EBF1: variants seen among roughly 807,000 people sequenced by gnomAD.
The protein encoded by EBF1 is transcription factor COE1.
In EBF1, 10 loss-of-function variants were observed where a neutral mutation model predicts 68.4. That is an observed-to-expected ratio of 0.15 (90% CI 0.09 to 0.25). The LOEUF is 0.25. EBF1 is among the 10% of genes least tolerant of loss of function. The pLI, the probability that EBF1 is intolerant of heterozygous loss-of-function variation, is 1.00. For synonymous variants in EBF1, 298 were observed against 299.8 expected, an observed-to-expected ratio of 0.99 and a Z score of 0.06; for missense variants, 509 against 794.4, an observed-to-expected ratio of 0.64 and a Z score of 4.32.
At chr5:158,943,359 C>T (rs558866783) in intron 6 of EBF1, among the ~76,000 whole-genome samples, 1 of 147,446 alleles carries the variant, frequency 6.8e-6, no homozygotes, top group Non-Finnish European at 1.5e-5. Context: ...CACACACACA[C>T]ATTCCGGAGG....
intron 6 of EBF1, among the ~76,000 whole-genome samples, chr5:158,943,356 A>ACG (rs1374181107): frequency 7.0e-6 from 1 of 142,628 alleles, no homozygotes; most frequent in Non-Finnish European, 1.6e-5. Context: ...ACACACACAC[A>ACG]CACATTCCGG....
chr5:158,877,698 A>ATG (rs1002101258), intron 6 of EBF1, among the ~76,000 whole-genome samples: 7 of 111,476 alleles, frequency 6.3e-5, no homozygotes, highest in Admixed American at 8.7e-5. Flanking sequence ...AATACTACAA[A>ATG]CGCACACACA....
chr5:158,801,111 A>C (rs1486796583), intron 8 of EBF1, among the ~76,000 whole-genome samples: 1 of 152,026 alleles, frequency 6.6e-6, no homozygotes, highest in Non-Finnish European at 1.5e-5. Context: ...CCACGAAAGT[A>C]GAGGAGATTT....
intron 1 of EBF1, among the ~76,000 whole-genome samples, chr5:159,098,613 G>A (rs1428742291): frequency 1.3e-5 from 2 of 151,256 alleles, no homozygotes; most frequent in Non-Finnish European, 2.9e-5. Context: ...AGAGAGGAAG[G>A]GAGGAAGGAA....
chr5:159,053,603 T>TCACACACACACA (rs576102189), intron 6 of EBF1, among the ~76,000 whole-genome samples: 8 of 145,250 alleles, frequency 5.5e-5, no homozygotes, highest in African/African-American at 2.1e-4. Flanking sequence ...TCTCTCTCTC[T>TCACACACACACA]CTCACACACA....
At chr5:158,870,504 C>A (rs1297024940) in intron 6 of EBF1, among the ~76,000 whole-genome samples, 3 of 151,820 alleles carry the variant, frequency 2.0e-5, no homozygotes. Flanking sequence ...GGCAACATGG[C>A]AAAACCCCAT....
intron 8 of EBF1, among the ~76,000 whole-genome samples, chr5:158,807,548 G>A (rs910660696): frequency 1.3e-5 from 2 of 152,174 alleles, no homozygotes; most frequent in South Asian, 4.1e-4. Context: ...CATAAATATG[G>A]CTGAAGGCTG....
At chr5:158,738,295 C>G (rs1318672894) in intron 10 of EBF1, among the ~76,000 whole-genome samples, 3 of 152,158 alleles carry the variant, frequency 2.0e-5, no homozygotes, top group Non-Finnish European at 4.4e-5. Flanking sequence ...ACTTAAGAAG[C>G]ATTTATAATA....
chr5:158,910,575 T>C (rs1426087722), intron 6 of EBF1, among the ~76,000 whole-genome samples: 2 of 152,240 alleles, frequency 1.3e-5, no homozygotes, highest in Non-Finnish European at 1.5e-5. Context: ...TTTTTTAAAC[T>C]ACATATTTTA....
At chr5:158,713,410 T>C (rs1759905240) in intron 12 of EBF1, among the ~76,000 whole-genome samples, 1 of 152,208 alleles carries the variant, frequency 6.6e-6, no homozygotes, top group African/African-American at 2.4e-5. Context: ...TAAGCCCATT[T>C]GTCTGACTTT....
intron 6 of EBF1, among the ~76,000 whole-genome samples, chr5:159,035,625 A>T (rs1057090302): frequency 1.3e-5 from 2 of 152,238 alleles, no homozygotes; most frequent in Non-Finnish European, 2.9e-5. Context: ...GCTAAGCTTC[A>T]GCTTTCCTCA....
intron 8 of EBF1, among the ~76,000 whole-genome samples, chr5:158,811,491 C>T (rs766049820): frequency 4.3e-4 from 66 of 152,280 alleles, no homozygotes; most frequent in Middle Eastern, 3.4e-3. Flanking sequence ...ACTTTGGCCA[C>T]GACCAAATCC....
At chr5:158,877,049 T>C (rs1797946606) in intron 6 of EBF1, among the ~76,000 whole-genome samples, 1 of 152,204 alleles carries the variant, frequency 6.6e-6, no homozygotes, top group East Asian at 1.9e-4. Context: ...ACTGAGCAAG[T>C]GAACTGGCTT....
chr5:158,960,756 C>T (rs1818018363), intron 6 of EBF1, among the ~76,000 whole-genome samples: 1 of 152,178 alleles, frequency 6.6e-6, no homozygotes, highest in African/African-American at 2.4e-5. Context: ...TGTCAGTTTC[C>T]TGTTTGCTCT....
chr5:158,748,510 C>T (rs375730548), intron 10 of EBF1, among the ~76,000 whole-genome samples: 12 of 152,284 alleles, frequency 7.9e-5, no homozygotes, highest in South Asian at 4.2e-4. Context: ...TAACTATCTT[C>T]GGATTCACAA....
At chr5:159,008,966 T>C (rs541626825) in intron 6 of EBF1, among the ~76,000 whole-genome samples, 1 of 152,284 alleles carries the variant, frequency 6.6e-6, no homozygotes, top group South Asian at 2.1e-4. Context: ...TCAAGGAATG[T>C]AAGATGCTGG....
chr5:158,952,178 C>T (rs957863451), intron 6 of EBF1, among the ~76,000 whole-genome samples: 1 of 152,082 alleles, frequency 6.6e-6, no homozygotes, highest in Non-Finnish European at 1.5e-5. Context: ...CAAAGAGCTC[C>T]TTACAGTAAA....
chr5:158,913,382 A>AG (rs1321568206), intron 6 of EBF1, among the ~76,000 whole-genome samples: 1 of 152,230 alleles, frequency 6.6e-6, no homozygotes, highest in Non-Finnish European at 1.5e-5. Flanking sequence ...GACGTTCCAC[A>AG]GGGGGACATT....
intron 6 of EBF1, among the ~76,000 whole-genome samples, chr5:158,938,205 T>C (rs1016803313): frequency 6.6e-6 from 1 of 152,236 alleles, no homozygotes; most frequent in African/African-American, 2.4e-5. Flanking sequence ...AAAATTGCGA[T>C]ACTTTAACAT....
Sources: gnomAD v4.1 joint callset for allele counts (sites outside exome capture counted in the v4.1 genomes callset) on GRCh38, gnomAD v4.1.1 for gene constraint, MANE v1.5 for transcripts, NCBI Gene and HGNC (gene_info 2026-07-23, HGNC 2026-07-21) for gene names.